ROBO1: variants seen among roughly 807,000 people sequenced by gnomAD.
ROBO1 encodes the protein roundabout guidance receptor 1.
A neutral mutation model predicts 195.9 loss-of-function variants in ROBO1; 149 were observed. That is an observed-to-expected ratio of 0.76 (90% confidence interval 0.67 to 0.87). ROBO1 has a LOEUF of 0.87. ROBO1 is among the 40% of genes least tolerant of loss of function. The probability of loss-of-function intolerance (pLI) is 0.00; values close to 1 mark genes in which losing one functional copy is unlikely to be tolerated. For missense variants in ROBO1, 1,933 were observed against 2,068.3 expected (o/e 0.93, Z 1.27); for synonymous variants, 816 against 733.2 (o/e 1.11, Z -1.82).
chr3:78,969,566 C>A (rs2076718409), intron 3 of ROBO1, among the ~76,000 whole-genome samples: 1 of 152,140 alleles, frequency 6.6e-6, no homozygotes, highest in South Asian at 2.1e-4. Flanking sequence ...ATGGTGAACT[C>A]CACTTCCTGG....
chr3:78,920,308 T>G (rs899445425), intron 4 of ROBO1, among the ~76,000 whole-genome samples: 3 of 152,004 alleles, frequency 2.0e-5, no homozygotes, highest in African/African-American at 7.3e-5. Context: ...GGACAATTTT[T>G]TTTTTCTTTT....
chr3:78,719,411 AATT>A (rs2081987558), intron 5 of ROBO1, among the ~76,000 whole-genome samples: 1 of 152,106 alleles, frequency 6.6e-6, no homozygotes, highest in Non-Finnish European at 1.5e-5. Flanking sequence ...AAAACACGTT[AATT>A]ATTGTTAGTA....
At chr3:79,567,886 T>C (rs1421952287) in intron 2 of ROBO1, among the ~76,000 whole-genome samples, 1 of 152,160 alleles carries the variant, frequency 6.6e-6, no homozygotes, top group Non-Finnish European at 1.5e-5. Flanking sequence ...ATGTGTTTAA[T>C]TCATAATTTT....
chr3:79,477,533 T>C (rs2107357190), intron 2 of ROBO1, among the ~76,000 whole-genome samples: 1 of 152,218 alleles, frequency 6.6e-6, no homozygotes, highest in East Asian at 1.9e-4. Flanking sequence ...TAAAAACATT[T>C]TCCCTGAAGA....
intron 1 of ROBO1, among the ~76,000 whole-genome samples, chr3:79,711,931 G>GGGGGGGGGCAC (rs1702292817): frequency 7.1e-6 from 1 of 141,620 alleles, no homozygotes; most frequent in African/African-American, 2.7e-5. Context: ...GGGCGGGTGG[G>GGGGGGGGGCAC]TGGGGGAGCA....
intron 3 of ROBO1, among the ~76,000 whole-genome samples, chr3:78,954,591 T>G (rs2040947691): frequency 6.6e-6 from 1 of 152,110 alleles, no homozygotes; most frequent in African/African-American, 2.4e-5. Flanking sequence ...GACAATATTT[T>G]TCAATCATGA....
At chr3:79,061,727 C>T (rs1370687941) in intron 3 of ROBO1, among the ~76,000 whole-genome samples, 1 of 151,988 alleles carries the variant, frequency 6.6e-6, no homozygotes, top group Non-Finnish European at 1.5e-5. Flanking sequence ...CTTTGACAAA[C>T]CTGACAAAAA....
chr3:78,690,035 T>C (rs2107849305), intron 8 of ROBO1, among the ~76,000 whole-genome samples: 1 of 148,302 alleles, frequency 6.7e-6, no homozygotes, highest in Non-Finnish European at 1.5e-5. Context: ...GTTATAGATT[T>C]TATAAATTTA....
intron 1 of ROBO1, among the ~76,000 whole-genome samples, chr3:79,706,418 C>A (rs980383158): frequency 6.6e-6 from 1 of 152,072 alleles, no homozygotes; most frequent in African/African-American, 2.4e-5. Flanking sequence ...TGTTTTTCAT[C>A]TTTATCCTGT....
At chr3:79,334,689 A>T (rs1228960627) in intron 2 of ROBO1, among the ~76,000 whole-genome samples, 1 of 152,088 alleles carries the variant, frequency 6.6e-6, no homozygotes, top group African/African-American at 2.4e-5. Context: ...CATATGTAAT[A>T]GTTTCAGATT....
At chr3:79,101,360 G>A (rs2079672533) in intron 3 of ROBO1, among the ~76,000 whole-genome samples, 1 of 151,806 alleles carries the variant, frequency 6.6e-6, no homozygotes, top group Non-Finnish European at 1.5e-5. Context: ...AACCTCAGTT[G>A]TTAATGTGAG....
chr3:79,330,671 GAAAAAAAAAAA>G (rs34923136), intron 2 of ROBO1, among the ~76,000 whole-genome samples: 1 of 77,400 alleles, frequency 1.3e-5, no homozygotes, highest in Non-Finnish European at 2.3e-5. Context: ...GGAACTTAGG[GAAAAAAAAAAA>G]AAAAAAAAAA....
At chr3:78,842,423 ATATATATT>A (rs2033313752) in intron 4 of ROBO1, among the ~76,000 whole-genome samples, 1 of 444 alleles carries the variant, frequency 2.3e-3, no homozygotes, top group African/African-American at 8.2e-3. Flanking sequence ...TATATGAGCC[ATATATATT>A]TTTATATATA....
chr3:79,689,850 G>GA (rs1947248023), intron 1 of ROBO1, among the ~76,000 whole-genome samples: 1 of 151,818 alleles, frequency 6.6e-6, no homozygotes, highest in Admixed American at 6.6e-5. Context: ...CAAATATTGA[G>GA]AAGAAAATAT....
At chr3:79,177,213 C>A (rs531899201) in intron 2 of ROBO1, among the ~76,000 whole-genome samples, 4 of 152,274 alleles carry the variant, frequency 2.6e-5, no homozygotes, top group South Asian at 2.1e-4. Flanking sequence ...TTCAAACCAG[C>A]AGAATAATAA....
chr3:78,726,657 T>G (rs2082168856), intron 5 of ROBO1, among the ~76,000 whole-genome samples: 1 of 152,154 alleles, frequency 6.6e-6, no homozygotes, highest in Admixed American at 6.5e-5. Flanking sequence ...ATCTTTGACC[T>G]AGAGAATAGA....
At chr3:79,297,704 G>A (rs1020242996) in intron 2 of ROBO1, among the ~76,000 whole-genome samples, 1 of 152,120 alleles carries the variant, frequency 6.6e-6, no homozygotes, top group African/African-American at 2.4e-5. Context: ...AAAAGAAATT[G>A]TTCTAAATAT....
At chr3:79,019,520 C>A (rs573629729) in intron 3 of ROBO1, 226 of 986,062 alleles carry the variant, frequency 2.3e-4, no homozygotes, top group Middle Eastern at 5.2e-4. Flanking sequence ...CTCCCCGGCC[C>A]GATAATACTT....
At chr3:78,778,243 T>G (rs1213792612) in intron 4 of ROBO1, among the ~76,000 whole-genome samples, 1 of 152,172 alleles carries the variant, frequency 6.6e-6, no homozygotes, top group South Asian at 2.1e-4. Flanking sequence ...TGCCAGTATT[T>G]TATAGAGGAT....
Sources: allele counts gnomAD v4.1 joint callset (sites outside exome capture counted in the v4.1 genomes callset), GRCh38; gene constraint gnomAD v4.1.1; transcripts MANE v1.5; gene names NCBI Gene and HGNC (gene_info 2026-07-23, HGNC 2026-07-21).